SAMD12: variants seen among roughly 807,000 people sequenced by gnomAD.
SAMD12 encodes sterile alpha motif domain containing 12.
A neutral mutation model predicts 15.0 loss-of-function variants in SAMD12; 9 were observed. The observed-to-expected ratio is 0.60, with a 90% CI of 0.36 to 1.05. SAMD12 has a LOEUF of 1.05. Among genes scored for constraint, SAMD12 ranks in the 50% least tolerant of loss-of-function variants. SAMD12 has a pLI of 0.01. For missense variants in SAMD12, 230 were observed against 234.2 expected (o/e 0.98, Z 0.12); for synonymous variants, 86 against 90.1 (o/e 0.96, Z 0.25).
At chr8:118,141,518 A>G in the SAMD12 span, among the ~76,000 whole-genome samples, 2 of 152,204 alleles carry the variant, frequency 1.3e-5, no homozygotes, top group East Asian at 3.8e-4. Context: ...TGCTGTCTTG[A>G]GCCAATGCCC....
intron 3 of SAMD12, among the ~76,000 whole-genome samples, chr8:118,439,121 T>C (rs1056138275): frequency 6.6e-6 from 1 of 152,222 alleles, no homozygotes; most frequent in African/African-American, 2.4e-5. Flanking sequence ...AGCCCCTTTA[T>C]GGTTCACTAT....
intron 2 of SAMD12, among the ~76,000 whole-genome samples, chr8:118,465,618 G>A (rs1407975037): frequency 6.6e-6 from 1 of 152,142 alleles, no homozygotes; most frequent in Admixed American, 6.5e-5. Context: ...GCCCTTAGGA[G>A]AAGCTATGTA....
At chr8:118,597,935 A>T (rs150459015) in intron 1 of SAMD12, among the ~76,000 whole-genome samples, 47 of 152,322 alleles carry the variant, frequency 3.1e-4, no homozygotes, top group African/African-American at 1.1e-3. Context: ...TCCTCACACA[A>T]TGGCTGGCAC....
At chr8:118,189,201 T>C (rs904128959), downstream of SAMD12, among the ~76,000 whole-genome samples, 8 of 152,008 alleles carry the variant, frequency 5.3e-5, no homozygotes, top group Non-Finnish European at 7.4e-5. Flanking sequence ...GCTGGTGGGA[T>C]TTGGTGCTGG....
At chr8:118,552,938 C>G (rs1018663472) in intron 2 of SAMD12, among the ~76,000 whole-genome samples, 2 of 151,820 alleles carry the variant, frequency 1.3e-5, no homozygotes, top group African/African-American at 2.4e-5. Flanking sequence ...ACAATTGCTT[C>G]AAAGAGAATA....
At chr8:118,511,010 G>A (rs558028242) in intron 2 of SAMD12, among the ~76,000 whole-genome samples, 1 of 152,318 alleles carries the variant, frequency 6.6e-6, no homozygotes, top group East Asian at 1.9e-4. Context: ...GACTGTGACA[G>A]TCTGGGATAT....
intron 2 of SAMD12, among the ~76,000 whole-genome samples, chr8:118,511,630 G>T (rs1252426963): frequency 2.6e-5 from 4 of 151,992 alleles, no homozygotes; most frequent in African/African-American, 9.7e-5. Context: ...AGCTTCTATA[G>T]CAAGCTTTAA....
intron 4 of SAMD12, among the ~76,000 whole-genome samples, chr8:118,369,149 T>C (rs1332570910): frequency 6.6e-6 from 1 of 152,212 alleles, no homozygotes; most frequent in Non-Finnish European, 1.5e-5. Context: ...TACTATGTGA[T>C]GAATACAGTA....
chr8:118,144,615 C>T, the SAMD12 span, among the ~76,000 whole-genome samples: 1 of 147,980 alleles, frequency 6.8e-6, no homozygotes, highest in African/African-American at 2.5e-5. Flanking sequence ...AAAATTGGTG[C>T]AAGGAAGGGA....
intron 1 of SAMD12, among the ~76,000 whole-genome samples, chr8:118,620,197 A>G (rs1828356861): frequency 6.6e-6 from 1 of 152,166 alleles, no homozygotes; most frequent in Admixed American, 6.5e-5. Flanking sequence ...GTGGACTAGC[A>G]ACAAAGAGGA....
At chr8:118,459,456 T>A (rs959101422) in intron 2 of SAMD12, among the ~76,000 whole-genome samples, 1 of 152,216 alleles carries the variant, frequency 6.6e-6, no homozygotes, top group Non-Finnish European at 1.5e-5. Flanking sequence ...TCAGTGGCAC[T>A]TCTACATTTT....
chr8:118,232,730 A>G (rs1249003521), intron 4 of SAMD12, among the ~76,000 whole-genome samples: 1 of 152,048 alleles, frequency 6.6e-6, no homozygotes, highest in Non-Finnish European at 1.5e-5. Flanking sequence ...AGGCAAAGAG[A>G]AAGGGGAGGA....
chr8:118,147,638 G>A, the SAMD12 span, among the ~76,000 whole-genome samples: 1 of 152,244 alleles, frequency 6.6e-6, no homozygotes, highest in Admixed American at 6.5e-5. Flanking sequence ...GGGATTACAG[G>A]CATGAGCCAC....
Position 118,379,325 on chromosome 8 carries a change from T to C in SAMD12, c.*92A>G, listed in dbSNP as rs574452293. On this transcript the variant is annotated 3_prime_UTR_variant, in exon 4 of 4. Coordinates refer to ENST00000314727, the MANE Select transcript of SAMD12 (RefSeq NM_207506.3). ...CAACTGTACGTGACCACCTTGAAGT[T>C]AGCTCAGGTAATTCTGTTTGCTCAT... 4.0e-6 allele frequency: 6 copies of C among 1,506,342 alleles called. No homozygotes were observed. Among genetic ancestry groups the C allele is most frequent in the Non-Finnish European group, 5.3e-6 (6 of 1,131,672 alleles). 93.3% of individuals were successfully genotyped at this position (1,506,342 alleles called of 1,614,324 possible). A position where few individuals can be genotyped will look rare whatever the true frequency, so the allele number is the denominator to read the frequency against.
chr8:118,386,815 A>G (rs1287397218), intron 3 of SAMD12, among the ~76,000 whole-genome samples: 3 of 152,240 alleles, frequency 2.0e-5, no homozygotes, highest in Non-Finnish European at 1.5e-5. Flanking sequence ...ACTGCATGTC[A>G]TAAGGCATGA....
chr8:118,592,572 TAA>T (rs1563601725), intron 1 of SAMD12, among the ~76,000 whole-genome samples: 2 of 152,256 alleles, frequency 1.3e-5, no homozygotes, highest in Admixed American at 1.3e-4. Flanking sequence ...AAAGCATATT[TAA>T]AGTGTTTAGT....
chr8:118,391,200 T>C (rs1820257902), intron 3 of SAMD12, among the ~76,000 whole-genome samples: 1 of 152,220 alleles, frequency 6.6e-6, no homozygotes, highest in South Asian at 2.1e-4. Flanking sequence ...GAAGACTCAG[T>C]AATTACTTGC....
intron 4 of SAMD12, among the ~76,000 whole-genome samples, chr8:118,336,989 C>T (rs950642665): frequency 6.6e-5 from 10 of 152,032 alleles, no homozygotes; most frequent in Non-Finnish European, 1.2e-4. Flanking sequence ...GGGTGGGGAA[C>T]ATCACACACT....
chr8:118,417,258 T>A (rs1821746164), intron 3 of SAMD12, among the ~76,000 whole-genome samples: 2 of 152,060 alleles, frequency 1.3e-5, no homozygotes, highest in Non-Finnish European at 2.9e-5. Flanking sequence ...TTTTTAAAAA[T>A]TATTTTGTAG....
Sources: gnomAD v4.1 joint callset for allele counts (sites outside exome capture counted in the v4.1 genomes callset) on GRCh38, gnomAD v4.1.1 for gene constraint, MANE v1.5 for transcripts, NCBI Gene and HGNC (gene_info 2026-07-23, HGNC 2026-07-21) for gene names.